MCC: variants seen among roughly 807,000 people sequenced by gnomAD.
The protein encoded by MCC is colorectal mutant cancer protein.
In MCC, 90 loss-of-function variants were observed where a neutral mutation model predicts 116.2. That is an observed-to-expected ratio of 0.77 (90% CI 0.65 to 0.92). The LOEUF (loss-of-function observed/expected upper bound fraction) is 0.92. MCC is among the 40% of genes least tolerant of loss of function. The pLI is 0.00. For synonymous variants in MCC, 578 were observed against 510.5 expected (o/e 1.13, Z -1.78); for missense variants, 1,516 against 1,312.2 (o/e 1.16, Z -2.40).
intron 1 of MCC, among the ~76,000 whole-genome samples, chr5:113,411,039 C>T (rs1452189268): frequency 6.6e-6 from 1 of 152,166 alleles, no homozygotes; most frequent in African/African-American, 2.4e-5. Flanking sequence ...CAAGTCTTTG[C>T]TATTGTGAAT....
chr5:113,027,245 C>A lies in MCC; in HGVS notation c.*57G>T. The A allele has an allele frequency of 2.5e-6, 4 of 1,578,104 alleles. No individual in the cohort carries two copies. The highest frequency in any genetic ancestry group is 1.7e-5 in the Admixed American group (1 of 58,056). ...AACAAGTACATGGGCCCTTCTGTCC[C>A]CAGTGGCCTGCTGCAGTTTACTTCC... On this transcript the variant is annotated 3_prime_UTR_variant, in exon 19 of 19. Transcript: ENST00000408903.
rs947649217 is a variant in MCC at position 113,239,213 on chromosome 5, A to G, written c.628-87791T>C. ...AAACAATAACATCAGCATTACTTTCATTTGCTGCCATACTGATGACAAGAT... is the reference window on the plus strand; with the variant it reads ...AAACAATAACATCAGCATTACTTTCGTTTGCTGCCATACTGATGACAAGAT... On this transcript the variant is annotated intron_variant, in intron 3 of 18. Transcript: ENST00000408903. Among the ~76,000 whole-genome samples, 10 of 152,176 alleles carry G rather than the reference A, an allele frequency of 6.6e-5. No homozygotes were observed. In the South Asian group the frequency reaches 2.1e-3, roughly 32 times the overall value.
chr5:113,324,624 A>G (rs1767505256), intron 3 of MCC, among the ~76,000 whole-genome samples: 1 of 152,216 alleles, frequency 6.6e-6, no homozygotes, highest in African/African-American at 2.4e-5. Context: ...CAGAAAATAT[A>G]AAGAAGAAAA....
At position 113,104,200 on chromosome 5, in the gene MCC, C is replaced by A. The variant is rs1404921793; in HGVS notation, c.1183G>T (p.Ala395Ser). 1.9e-6 allele frequency: 3 copies of A among 1,610,558 alleles called. No individual in the cohort carries two copies. Among genetic ancestry groups the A allele is most frequent in the East Asian group, 2.2e-5 (1 of 44,834 alleles). Residue 395 changes from alanine (A) to serine (S), a missense_variant, in exon 7 of 19, where the codon GCT becomes TCT. Transcript: ENST00000408903. ...GGGTGAGGAAGGTCTACCTTAATAG[C>A]CAGGTCACAGTGCTCGCTGGCTGTG... ...LTTASEHCDLAIKTVEEIEGV... is the reference protein window; with the variant it reads ...LTTASEHCDLSIKTVEEIEGV...
At chr5:113,190,415 G>A (rs1762096444) in intron 3 of MCC, among the ~76,000 whole-genome samples, 1 of 152,166 alleles carries the variant, frequency 6.6e-6, no homozygotes, top group Non-Finnish European at 1.5e-5. Context: ...TGCGGAAGGA[G>A]GGGCTATAAG....
intron 3 of MCC, among the ~76,000 whole-genome samples, chr5:113,229,342 A>C (rs1291463690): frequency 6.6e-6 from 1 of 152,244 alleles, no homozygotes; most frequent in African/African-American, 2.4e-5. Flanking sequence ...GTATAAGGTT[A>C]AATATCCTGT....
intron 2 of MCC, among the ~76,000 whole-genome samples, chr5:113,366,334 T>A (rs980615805): frequency 6.6e-6 from 1 of 152,144 alleles, no homozygotes; most frequent in South Asian, 2.1e-4. Context: ...TTTTTTTTTA[T>A]GTTAATTCTT....
At chr5:113,131,972 A>T (rs529564291) in intron 5 of MCC, among the ~76,000 whole-genome samples, 184 of 152,310 alleles carry the variant, frequency 1.2e-3, no homozygotes, top group Middle Eastern at 3.4e-3. Flanking sequence ...CTAAATCGCA[A>T]TAGCAATGAT....
At chr5:113,364,970 G>C (rs1475862212) in intron 2 of MCC, among the ~76,000 whole-genome samples, 1 of 152,200 alleles carries the variant, frequency 6.6e-6, no homozygotes, top group Non-Finnish European at 1.5e-5. Flanking sequence ...CCTGTGATGA[G>C]AGGGGCTGCT....
chr5:113,230,406 A>C (rs1213138711), intron 3 of MCC, among the ~76,000 whole-genome samples: 1 of 152,220 alleles, frequency 6.6e-6, no homozygotes, highest in Non-Finnish European at 1.5e-5. Context: ...TTCAGAAACT[A>C]ATCAATGTGA....
At chr5:113,365,364 G>C (rs995994458) in intron 2 of MCC, among the ~76,000 whole-genome samples, 1 of 152,196 alleles carries the variant, frequency 6.6e-6, no homozygotes, top group African/African-American at 2.4e-5. Context: ...CGTAGCACAA[G>C]TGACCTTTAC....
At position 113,328,708 on chromosome 5, in the gene MCC, G is replaced by A. The variant is rs1023410007; in HGVS notation, c.627+11811C>T. Among the ~76,000 whole-genome samples, 7 of 152,096 alleles carry A rather than the reference G, an allele frequency of 4.6e-5. No individual in the cohort carries two copies. In the South Asian group the frequency reaches 1.5e-3, roughly 32 times the overall value. On this transcript the variant is annotated intron_variant, in intron 3 of 18. Coordinates refer to ENST00000408903, the MANE Select transcript of MCC (RefSeq NM_001085377.2). ...AGGCCCCAACATAAATTCACCAGGG[G>A]TTTTAATTACTCTCCAGTGACAATA...
intron 8 of MCC, among the ~76,000 whole-genome samples, chr5:113,089,638 C>T (rs537412367): frequency 3.2e-4 from 48 of 152,326 alleles, no homozygotes; most frequent in African/African-American, 1.2e-3. Flanking sequence ...TAGCCTGGTG[C>T]CACACGTGGC....
intron 3 of MCC, among the ~76,000 whole-genome samples, chr5:113,213,130 C>T (rs1466422389): frequency 2.0e-5 from 3 of 152,128 alleles, no homozygotes; most frequent in East Asian, 1.9e-4. Flanking sequence ...ACACGCAATG[C>T]CATTGCTGCT....
chr5:113,167,812 CAG>C (rs1760855978), intron 3 of MCC, among the ~76,000 whole-genome samples: 1 of 151,938 alleles, frequency 6.6e-6, no homozygotes. Flanking sequence ...TAAATTTTTG[CAG>C]AGTTAAGGTC....
rs146644006 is a variant in MCC at position 113,292,119 on chromosome 5, C to T, written c.627+48400G>A. On this transcript the variant is annotated intron_variant, in intron 3 of 18. Transcript: ENST00000408903. ...TAGTGGCACATGCCTGTAATTCCAG[C>T]TACTCGGGAGACTGAGGTAAGAGAA... 3.5e-3 allele frequency among the ~76,000 whole-genome samples: 526 copies of T among 152,198 alleles called. 4 individuals are homozygous for T. The highest frequency in any genetic ancestry group is 0.012 in the African/African-American group (511 of 41,526).
chr5:113,214,245 C>T (rs1028803562), intron 3 of MCC, among the ~76,000 whole-genome samples: 2 of 152,176 alleles, frequency 1.3e-5, no homozygotes, highest in South Asian at 2.1e-4. Flanking sequence ...CCACAAAGAA[C>T]GACGGAGCTG....
intron 17 of MCC, among the ~76,000 whole-genome samples, chr5:113,035,385 G>A (rs758568235): frequency 6.6e-6 from 1 of 152,174 alleles, no homozygotes; most frequent in African/African-American, 2.4e-5. Context: ...CCTGCTAACT[G>A]GTTTCTCTGT....
chr5:113,460,118 TA>T (rs1771704962), intron 1 of MCC, among the ~76,000 whole-genome samples: 1 of 152,196 alleles, frequency 6.6e-6, no homozygotes, highest in South Asian at 2.1e-4. Context: ...TGTTAATACC[TA>T]AACTATAAAA....
Sources: allele counts gnomAD v4.1 joint callset (sites outside exome capture counted in the v4.1 genomes callset), GRCh38; gene constraint gnomAD v4.1.1; transcripts MANE v1.5; gene names NCBI Gene and HGNC (gene_info 2026-07-23, HGNC 2026-07-21).